The following TRPS1 variants were observed in gnomAD, a reference collection of about 807,000 sequenced individuals.
The protein encoded by TRPS1 is zinc finger transcription factor Trps1.
A neutral mutation model predicts 101.2 loss-of-function variants in TRPS1; 6 were observed. The observed-to-expected ratio is 0.06, with a 90% confidence interval of 0.03 to 0.12. TRPS1 has a LOEUF of 0.12. TRPS1 is among the 10% of genes least tolerant of loss of function. The probability of loss-of-function intolerance (pLI) is 1.00; values close to 1 mark genes in which losing one functional copy is unlikely to be tolerated. For missense variants in TRPS1, 1,363 were observed against 1,567.0 expected (o/e 0.87, Z 2.20); for synonymous variants, 578 against 589.8 (o/e 0.98, Z 0.29).
At chr8:115,495,713 T>C (rs1376796971) in intron 5 of TRPS1, among the ~76,000 whole-genome samples, 5 of 151,934 alleles carry the variant, frequency 3.3e-5, no homozygotes, top group Non-Finnish European at 5.9e-5. Context: ...AATCAAAGTC[T>C]TTACAAGCCC....
chr8:115,589,193 G>A (rs963813993), intron 4 of TRPS1, among the ~76,000 whole-genome samples: 3 of 152,168 alleles, frequency 2.0e-5, no homozygotes, highest in Admixed American at 6.5e-5. Context: ...AATGTCAACT[G>A]ACAAGCTTGA....
At chr8:115,491,857 C>A (rs1046815224) in intron 5 of TRPS1, among the ~76,000 whole-genome samples, 1 of 152,056 alleles carries the variant, frequency 6.6e-6, no homozygotes, top group Non-Finnish European at 1.5e-5. Context: ...GGTTCAGATT[C>A]ATTCAATCTG....
chr8:115,654,830 C>G (rs1392229899), intron 1 of TRPS1, among the ~76,000 whole-genome samples: 2 of 152,138 alleles, frequency 1.3e-5, no homozygotes, highest in African/African-American at 2.4e-5. Context: ...ATGCCCATAT[C>G]TAAAGTACTG....
chr8:115,427,117 TA>T (rs996468843), intron 5 of TRPS1, among the ~76,000 whole-genome samples: 11 of 149,076 alleles, frequency 7.4e-5, no homozygotes, highest in East Asian at 3.9e-4. Context: ...TACAAAAAGT[TA>T]AAAAAAAAAT....
intron 5 of TRPS1, among the ~76,000 whole-genome samples, chr8:115,585,603 C>T (rs890119017): frequency 6.6e-6 from 1 of 152,172 alleles, no homozygotes; most frequent in African/African-American, 2.4e-5. Context: ...AGAGTAATGA[C>T]ATGCTGAGAA....
At chr8:115,611,554 A>G (rs1818166721) in intron 3 of TRPS1, among the ~76,000 whole-genome samples, 1 of 152,228 alleles carries the variant, frequency 6.6e-6, no homozygotes, top group Admixed American at 6.5e-5. Context: ...AACACAGAGG[A>G]AGAGCCCCTA....
chr8:115,535,155 G>GCATAGCATATA (rs1554583717), intron 5 of TRPS1, among the ~76,000 whole-genome samples: 2 of 137,592 alleles, frequency 1.5e-5, no homozygotes, highest in African/African-American at 2.6e-5. Context: ...TATAGCATAT[G>GCATAGCATATA]TATAGCATAT....
chr8:115,418,194 T>C lies in TRPS1; in HGVS notation c.2823+136A>G, dbSNP rs1041245920. On this transcript the variant is annotated intron_variant, in intron 6 of 6. Coordinates refer to ENST00000395715, the MANE Select transcript of TRPS1 (RefSeq NM_014112.5). The surrounding 1 kb of genome is among the most constrained non-coding windows in gnomAD (Gnocchi z 4.3). The stretch of plus-strand genomic sequence containing the variant: ...AGCCCCCTTCACCATAAATCACATG[T>C]GCACTCAAAGTGACTGTATTAAAAC... The C allele has an allele frequency of 7.1e-7, 1 of 1,411,964 alleles. No homozygotes were observed. Among genetic ancestry groups the C allele is most frequent in the Non-Finnish European group, 9.9e-7 (1 of 1,005,074 alleles). The allele number at this position is 1,411,964 out of a possible 1,614,324, so 87.5% of individuals were successfully genotyped here.
At chr8:115,562,556 A>C (rs1226034282) in intron 5 of TRPS1, among the ~76,000 whole-genome samples, 1 of 151,852 alleles carries the variant, frequency 6.6e-6, no homozygotes, top group African/African-American at 2.4e-5. Context: ...AGTTTATATA[A>C]GGGGAAAAAA....
At chr8:115,428,800 T>C (rs1041391708) in intron 5 of TRPS1, among the ~76,000 whole-genome samples, 1 of 152,218 alleles carries the variant, frequency 6.6e-6, no homozygotes, top group African/African-American at 2.4e-5. Context: ...ATTAAAAATA[T>C]TCTCTCTCAT....
chr8:115,559,507 T>C (rs1388320488), intron 5 of TRPS1, among the ~76,000 whole-genome samples: 1 of 152,106 alleles, frequency 6.6e-6, no homozygotes, highest in Non-Finnish European at 1.5e-5. Context: ...AATGTTCAGA[T>C]ATACACAGAA....
At chr8:115,562,022 C>G (rs907439454) in intron 5 of TRPS1, among the ~76,000 whole-genome samples, 6 of 152,048 alleles carry the variant, frequency 3.9e-5, no homozygotes, top group African/African-American at 1.4e-4. Flanking sequence ...TGTATAAATG[C>G]CCCTTGAGTA....
At chr8:115,466,759 A>G (rs1814328865) in intron 5 of TRPS1, among the ~76,000 whole-genome samples, 1 of 152,194 alleles carries the variant, frequency 6.6e-6, no homozygotes, top group African/African-American at 2.4e-5. Flanking sequence ...GCATTTCTGC[A>G]GTGGAACACC....
intron 1 of TRPS1, among the ~76,000 whole-genome samples, chr8:115,629,463 G>T (rs1818590112): frequency 6.6e-6 from 1 of 151,658 alleles, no homozygotes; most frequent in South Asian, 2.1e-4. Context: ...AAACATACGT[G>T]GATATAAACT....
intron 5 of TRPS1, among the ~76,000 whole-genome samples, chr8:115,480,464 CAGA>C (rs1814723768): frequency 6.6e-6 from 1 of 151,964 alleles, no homozygotes. Context: ...AATTTATGCA[CAGA>C]AGAATAAATG....
chr8:115,443,099 A>T (rs1025629387), intron 5 of TRPS1, among the ~76,000 whole-genome samples: 4 of 151,960 alleles, frequency 2.6e-5, no homozygotes, highest in Non-Finnish European at 5.9e-5. Flanking sequence ...CCATCTCAAA[A>T]AAAAAGAAAA....
chr8:115,412,753 T>G lies in TRPS1; in HGVS notation c.*1270A>C, dbSNP rs2129737272. 6.6e-6 allele frequency: 1 copy of G among 152,642 alleles called. No individual in the cohort carries two copies. The highest frequency in any genetic ancestry group is 1.9e-4 in the East Asian group (1 of 5,162). The allele number at this position is 152,642 out of a possible 1,614,324, so 9.5% of individuals were successfully genotyped here. A position where few individuals can be genotyped will look rare whatever the true frequency, so the allele number is the denominator to read the frequency against. On this transcript the variant is annotated 3_prime_UTR_variant, in exon 7 of 7. Coordinates refer to ENST00000395715, the MANE Select transcript of TRPS1 (RefSeq NM_014112.5). ...TCGACTAACAGCACCTTTAACCAATTATTTAATGTTCAGTTATTTAGCCCT... is the reference window on the plus strand; with the variant it reads ...TCGACTAACAGCACCTTTAACCAATGATTTAATGTTCAGTTATTTAGCCCT...
intron 1 of TRPS1, among the ~76,000 whole-genome samples, chr8:115,643,092 T>C (rs540052897): frequency 6.6e-6 from 1 of 152,292 alleles, no homozygotes; most frequent in African/African-American, 2.4e-5. Flanking sequence ...TTAAAAACAT[T>C]CTTTATTACT....
chr8:115,604,305 A>C lies in TRPS1; in HGVS notation c.1664T>G (p.Val555Gly), dbSNP rs756780144. 1.2e-6 allele frequency: 2 copies of C among 1,614,122 alleles called. No individual in the cohort carries two copies. Among genetic ancestry groups the C allele is most frequent in the South Asian group, 2.2e-5 (2 of 91,082 alleles). The change falls in exon 4 of 7, where the codon GTA becomes GGA. Residue 555 changes from valine (V) to glycine (G), a missense_variant. Physicochemically the swap from Val to Gly is moderately radical, Grantham distance 109 (BLOSUM62 -3). Transcript: ENST00000395715. This position sits in a 1 kb window ranked among gnomAD's most constrained non-coding sequence, Gnocchi z 4.1. The stretch of plus-strand genomic sequence containing the variant: ...ATAATGACGGAGAAGTGGCCCCACT[A>C]CAATTACATCAGGGCCATGGCTTTT... ...YSKSHGPDVI[V>G]VGPLLRHYQQ...
Sources: gnomAD v4.1 joint callset for allele counts (sites outside exome capture counted in the v4.1 genomes callset) on GRCh38, gnomAD v4.1.1 for gene constraint, Gnocchi (gnomAD v3.1) non-coding constraint, MANE v1.5 for transcripts, NCBI Gene and HGNC (gene_info 2026-07-23, HGNC 2026-07-21) for gene names.